Variants in TENM3 observed in about 807,000 individuals in gnomAD.
TENM3 encodes teneurin-3.
Under a neutral mutation model 255.1 loss-of-function variants are expected in TENM3, and 63 were observed. That is an observed-to-expected ratio of 0.25 (90% CI 0.20 to 0.30). TENM3 has a LOEUF of 0.30. Among genes scored for constraint, TENM3 ranks in the 10% least tolerant of loss-of-function variants. TENM3 has a pLI of 1.00. For synonymous variants in TENM3, 1,306 were observed against 1,322.3 expected (o/e 0.99, Z 0.27); for missense variants, 2,929 against 3,461.1 (o/e 0.85, Z 3.86).
chr4:182,315,621 A>G (rs545164776), intron 1 of TENM3, among the ~76,000 whole-genome samples: 1 of 152,224 alleles, frequency 6.6e-6, no homozygotes, highest in East Asian at 1.9e-4. Context: ...TGGCATCTGT[A>G]AGTTTATAAT....
At chr4:181,606,847 A>G in the TENM3 span, among the ~76,000 whole-genome samples, 1 of 152,022 alleles carries the variant, frequency 6.6e-6, no homozygotes, top group Non-Finnish European at 1.5e-5. Flanking sequence ...TTAATCTCTT[A>G]CTGTGGCTAG....
In TENM3 at chr4:182,545,388, A is replaced by ACC. The variant is rs1741338515; in HGVS notation, c.512-55534_512-55533dup. ...ACTTGCCTTCAGCCCCACTACAACC[A>ACC]CCCAGGTCTAAGCCACTCTCCATTA... On this transcript the variant is annotated intron_variant, in intron 3 of 27. Transcript: ENST00000511685. Among the ~76,000 whole-genome samples the ACC allele has an allele frequency of 7.2e-5, 11 of 151,876 alleles. No homozygotes were observed. The South Asian group carries it at 2.3e-3, about 32-fold the overall frequency.
chr4:181,911,878 A>AT, the TENM3 span, among the ~76,000 whole-genome samples: 1 of 152,232 alleles, frequency 6.6e-6, no homozygotes, highest in Non-Finnish European at 1.5e-5. Context: ...AAATACACAA[A>AT]TAACATACAA....
chr4:181,955,412 A>G, the TENM3 span, among the ~76,000 whole-genome samples: 1 of 152,190 alleles, frequency 6.6e-6, no homozygotes, highest in Non-Finnish European at 1.5e-5. Flanking sequence ...TTGGGCCAAT[A>G]CTTGAAAGGA....
intron 1 of TENM3, among the ~76,000 whole-genome samples, chr4:182,148,219 C>T (rs1195442362): frequency 6.6e-6 from 1 of 152,074 alleles, no homozygotes; most frequent in African/African-American, 2.4e-5. Context: ...TTAGATACAG[C>T]ATTCCACAAT....
At chr4:181,981,493 T>C in the TENM3 span, among the ~76,000 whole-genome samples, 9 of 152,160 alleles carry the variant, frequency 5.9e-5, no homozygotes, top group Admixed American at 2.0e-4. Flanking sequence ...ACAGAGGTAT[T>C]AAAAACAAGA....
chr4:181,459,043 C>T, the TENM3 span, among the ~76,000 whole-genome samples: 2 of 151,742 alleles, frequency 1.3e-5, no homozygotes, highest in Admixed American at 1.3e-4. Context: ...TTTATTTGCG[C>T]CACATTTTCA....
the TENM3 span, among the ~76,000 whole-genome samples, chr4:182,042,989 C>T: frequency 1.1e-5 from 1 of 92,952 alleles, no homozygotes; most frequent in Admixed American, 1.4e-4. Flanking sequence ...GATAGAAGGT[C>T]GTCTTTTTTT....
chr4:182,318,715 A>G lies in TENM3; in HGVS notation c.-75-5231A>G, dbSNP rs147876758. On this transcript the variant is annotated intron_variant, in intron 1 of 27. Transcript: ENST00000511685. ...TCAAGGAGCTAATGAAAATTAACCA[A>G]CTCAGCTTGATATTGTTGTGTGTTT... Among the ~76,000 whole-genome samples the G allele has an allele frequency of 3.3e-5, 5 of 152,154 alleles. No homozygotes were observed. In the East Asian group the frequency reaches 9.7e-4, roughly 29 times the overall value.
chr4:182,612,671 G>T (rs1171233210), intron 4 of TENM3, among the ~76,000 whole-genome samples: 1 of 152,140 alleles, frequency 6.6e-6, no homozygotes, highest in Non-Finnish European at 1.5e-5. Context: ...GGCTTTGCCT[G>T]CTCCTTCTAA....
At chr4:182,378,357 G>A (rs1175339058) in intron 3 of TENM3, among the ~76,000 whole-genome samples, 3 of 152,178 alleles carry the variant, frequency 2.0e-5, no homozygotes, top group Non-Finnish European at 4.4e-5. Flanking sequence ...TCGCACAAGT[G>A]AACCACAAAA....
chr4:181,640,505 GC>G, the TENM3 span, among the ~76,000 whole-genome samples: 2 of 152,058 alleles, frequency 1.3e-5, no homozygotes, highest in South Asian at 4.2e-4. Context: ...TACCTCCTCT[GC>G]CACGTCTCTG....
intron 3 of TENM3, among the ~76,000 whole-genome samples, chr4:182,567,120 G>A (rs191538033): frequency 9.8e-5 from 15 of 152,290 alleles, no homozygotes; most frequent in African/African-American, 2.9e-4. Flanking sequence ...AAATCAAAAC[G>A]TAGGTCGTAG....
chr4:182,471,774 T>C (rs891516408), intron 3 of TENM3, among the ~76,000 whole-genome samples: 5 of 152,160 alleles, frequency 3.3e-5, no homozygotes, highest in Non-Finnish European at 5.9e-5. Context: ...ATTTAAGCAC[T>C]ATTCCTTAGG....
the TENM3 span, among the ~76,000 whole-genome samples, chr4:182,036,427 G>T: frequency 4.9e-4 from 74 of 152,214 alleles, 1 homozygote; most frequent in African/African-American, 1.5e-3. Context: ...CTGACCTCAG[G>T]TGATCCGCCC....
At chr4:182,151,569 A>C (rs904823854) in intron 1 of TENM3, among the ~76,000 whole-genome samples, 9 of 152,058 alleles carry the variant, frequency 5.9e-5, no homozygotes, top group African/African-American at 2.2e-4. Flanking sequence ...TGTAACTTTT[A>C]TTTCTTTCAG....
chr4:182,730,100 C>T, intron 14 of TENM3, 100 bp from the exon 15 acceptor site: 1 of 1,418,966 alleles, frequency 7.0e-7, no homozygotes, highest in South Asian at 1.3e-5. Context: ...GATTGCATAG[C>T]ATAGTGTTAT....
intron 5 of TENM3, among the ~76,000 whole-genome samples, chr4:182,651,294 A>G (rs1320126596): frequency 6.6e-6 from 1 of 152,054 alleles, no homozygotes. Context: ...AGCAAGTCAA[A>G]CACTATGCAA....
chr4:181,450,512 G>C, the TENM3 span, among the ~76,000 whole-genome samples: 1 of 152,110 alleles, frequency 6.6e-6, no homozygotes, highest in Non-Finnish European at 1.5e-5. Context: ...ATTGTCTTTT[G>C]GATCAAGGTA....
Sources: gnomAD v4.1 joint callset for allele counts (sites outside exome capture counted in the v4.1 genomes callset) on GRCh38, gnomAD v4.1.1 for gene constraint, MANE v1.5 for transcripts, NCBI Gene and HGNC (gene_info 2026-07-23, HGNC 2026-07-21) for gene names.